CYBRD1: variants seen among roughly 807,000 people sequenced by gnomAD.
CYBRD1 encodes the protein plasma membrane ascorbate-dependent reductase CYBRD1.
CYBRD1 carries 14 observed loss-of-function variants against 21.9 expected under a neutral mutation model. The ratio of observed to expected loss-of-function variants is 0.64; its 90% CI spans 0.42 to 1.00. The LOEUF (loss-of-function observed/expected upper bound fraction) is 1.00. Among genes scored for constraint, CYBRD1 ranks in the 50% least tolerant of loss-of-function variants. The pLI, the probability that CYBRD1 is intolerant of heterozygous loss-of-function variation, is 0.00. For synonymous variants in CYBRD1, 146 were observed against 136.5 expected (o/e 1.07, Z -0.48); for missense variants, 328 against 352.5 (o/e 0.93, Z 0.56).
intron 2 of CYBRD1, among the ~76,000 whole-genome samples, chr2:171,545,545 ATTT>A (rs35880894): frequency 8.2e-6 from 1 of 121,574 alleles, no homozygotes; most frequent in Non-Finnish European, 1.7e-5. Context: ...CATGTGGCTA[ATTT>A]TTTTTTTTTT....
chr2:171,557,688 A>G lies in CYBRD1; in HGVS notation c.*2861A>G, dbSNP rs1683513722. On this transcript the variant is annotated 3_prime_UTR_variant, in exon 4 of 4. Coordinates refer to ENST00000321348, the MANE Select transcript of CYBRD1 (RefSeq NM_024843.4). Reference sequence around the variant, plus strand: ...TTGCACTTTTTAAGGGATATCGACAAGCAGTTTCTGTTTTCTAAAGGACAA... The same window carrying G: ...TTGCACTTTTTAAGGGATATCGACAGGCAGTTTCTGTTTTCTAAAGGACAA... 1 of 152,210 alleles carries G rather than the reference A, an allele frequency of 6.6e-6. No individual in the cohort carries two copies. Among genetic ancestry groups the G allele is most frequent in the African/African-American group, 2.4e-5 (1 of 41,456 alleles). 9.4% of individuals were successfully genotyped at this position (152,210 alleles called of 1,614,324 possible).
At chr2:171,546,850 G>A (rs1261910767) in intron 2 of CYBRD1, among the ~76,000 whole-genome samples, 1 of 152,100 alleles carries the variant, frequency 6.6e-6, no homozygotes, top group African/African-American at 2.4e-5. Context: ...AAGAGTTTGT[G>A]GTATTTGAGG....
intron 2 of CYBRD1, among the ~76,000 whole-genome samples, chr2:171,546,794 TAGAAAGG>T (rs1697722756): frequency 6.6e-6 from 1 of 151,938 alleles, no homozygotes; most frequent in Non-Finnish European, 1.5e-5. Context: ...ACACCTGGTG[TAGAAAGG>T]GCGGAGAGTC....
chr2:171,553,119 G>A (rs1391543726), intron 2 of CYBRD1, among the ~76,000 whole-genome samples: 2 of 152,132 alleles, frequency 1.3e-5, no homozygotes, highest in Non-Finnish European at 2.9e-5. Context: ...AAAAAAGCAA[G>A]ATGCAGAACA....
chr2:171,546,950 G>A (rs1017345321), intron 2 of CYBRD1, among the ~76,000 whole-genome samples: 1 of 152,196 alleles, frequency 6.6e-6, no homozygotes. Context: ...TAGCTTGCAG[G>A]TGTTTATGGA....
chr2:171,534,267 C>T (rs143717081), intron 1 of CYBRD1, among the ~76,000 whole-genome samples: 21 of 152,308 alleles, frequency 1.4e-4, no homozygotes, highest in African/African-American at 4.3e-4. Context: ...GCCTTGTTTC[C>T]GTCACAAGTA....
At position 171,555,284 on chromosome 2, in the gene CYBRD1, A is replaced by G. The variant is rs1683464716; in HGVS notation, c.*457A>G. 1 of 230,022 alleles carries G rather than the reference A, an allele frequency of 4.3e-6. No individual in the cohort carries two copies. Among genetic ancestry groups the G allele is most frequent in the South Asian group, 6.3e-5 (1 of 15,876 alleles). 14.2% of individuals were successfully genotyped at this position (230,022 alleles called of 1,614,324 possible). ...AAGGAATATCTGGGACAGGGTTTAG[A>G]TCATGACTCTACACAGATACCATGA... On this transcript the variant is annotated 3_prime_UTR_variant, in exon 4 of 4. Coordinates refer to ENST00000321348, the MANE Select transcript of CYBRD1 (RefSeq NM_024843.4).
At chr2:171,525,296 C>T (rs553208802) in intron 1 of CYBRD1, among the ~76,000 whole-genome samples, 2 of 152,240 alleles carry the variant, frequency 1.3e-5, no homozygotes, top group Admixed American at 1.3e-4. Context: ...GAGTTTGTCC[C>T]GTCATTACTC....
At chr2:171,550,800 A>G (rs1038268602) in intron 2 of CYBRD1, among the ~76,000 whole-genome samples, 1 of 152,200 alleles carries the variant, frequency 6.6e-6, no homozygotes, top group Non-Finnish European at 1.5e-5. Flanking sequence ...ATGACAAATT[A>G]TGGAGGAAAT....
chr2:171,526,149 C>T (rs1697383131), intron 1 of CYBRD1, among the ~76,000 whole-genome samples: 1 of 151,778 alleles, frequency 6.6e-6, no homozygotes, highest in Non-Finnish European at 1.5e-5. Flanking sequence ...CACCTGTAAT[C>T]CCAGGTACTC....
intron 1 of CYBRD1, among the ~76,000 whole-genome samples, chr2:171,536,866 G>A (rs1697553330): frequency 6.7e-6 from 1 of 150,206 alleles, no homozygotes; most frequent in Non-Finnish European, 1.5e-5. Context: ...GAAATCCTGA[G>A]TATTTTTTTT....
Position 171,541,653 on chromosome 2 carries a change from G to A in CYBRD1, c.262G>A (p.Gly88Arg), listed in dbSNP as rs751697027. 1.2e-6 allele frequency: 2 copies of A among 1,613,978 alleles called. No homozygotes were observed. Among genetic ancestry groups the A allele is most frequent in the Non-Finnish European group, 1.7e-6 (2 of 1,180,014 alleles). Residue 88 changes from glycine (G) to arginine (R), a missense_variant, in exon 2 of 4, where the codon GGG becomes AGG. Coordinates refer to ENST00000321348, the MANE Select transcript of CYBRD1 (RefSeq NM_024843.4). ...GCTCCTGATGAAATCCATCCATGCA[G>A]GGTTAAATGCAGTTGCTGCCATTCT... ...SKLLMKSIHAGLNAVAAILAI... is the reference protein window; with the variant it reads ...SKLLMKSIHARLNAVAAILAI...
At chr2:171,527,847 A>G (rs1026176004) in intron 1 of CYBRD1, among the ~76,000 whole-genome samples, 3 of 152,052 alleles carry the variant, frequency 2.0e-5, no homozygotes, top group Non-Finnish European at 4.4e-5. Context: ...TGCTTGCCTT[A>G]CTATGAACTT....
chr2:171,545,652 G>A (rs1349038590), intron 2 of CYBRD1, among the ~76,000 whole-genome samples: 2 of 149,864 alleles, frequency 1.3e-5, no homozygotes, highest in African/African-American at 4.9e-5. Context: ...GCCTCCCAAA[G>A]TGCTGGGATT....
intron 2 of CYBRD1, 86 bp from the exon 3 acceptor site, chr2:171,553,260 A>C: frequency 6.7e-7 from 1 of 1,488,160 alleles, no homozygotes; most frequent in South Asian, 1.2e-5. Flanking sequence ...AGGTTTTGTC[A>C]TATTACACAT....
At chr2:171,542,662 T>G (rs1409645872) in intron 2 of CYBRD1, among the ~76,000 whole-genome samples, 1 of 152,232 alleles carries the variant, frequency 6.6e-6, no homozygotes, top group African/African-American at 2.4e-5. Context: ...GTGGATCGCT[T>G]AAGCCCAGAC....
intron 1 of CYBRD1, among the ~76,000 whole-genome samples, chr2:171,525,297 G>A (rs925115966): frequency 1.3e-5 from 2 of 152,124 alleles, no homozygotes; most frequent in East Asian, 1.9e-4. Flanking sequence ...AGTTTGTCCC[G>A]TCATTACTCA....
chr2:171,555,021 A>G lies in CYBRD1; in HGVS notation c.*194A>G, dbSNP rs1683458060. 1 of 631,214 alleles carries G rather than the reference A, an allele frequency of 1.6e-6. No homozygotes were observed. The highest frequency in any genetic ancestry group is 2.7e-6 in the Non-Finnish European group (1 of 365,756). The allele number at this position is 631,214 out of a possible 1,614,324, so 39.1% of individuals were successfully genotyped here. A position where few individuals can be genotyped will look rare whatever the true frequency, so the allele number is the denominator to read the frequency against. On this transcript the variant is annotated 3_prime_UTR_variant, in exon 4 of 4. Transcript: ENST00000321348. ...CTGAATTGGAAAGGATGTGATTAAT[A>G]TAAATAATAGCAGATATAAATTGTG...
intron 2 of CYBRD1, among the ~76,000 whole-genome samples, chr2:171,547,654 G>A (rs2105344068): frequency 6.6e-6 from 1 of 152,170 alleles, no homozygotes; most frequent in South Asian, 2.1e-4. Context: ...GTTGGCTTGG[G>A]GTGATTTCTT....
Sources: allele counts gnomAD v4.1 joint callset (sites outside exome capture counted in the v4.1 genomes callset), GRCh38; gene constraint gnomAD v4.1.1; transcripts MANE v1.5; gene names NCBI Gene and HGNC (gene_info 2026-07-23, HGNC 2026-07-21).